The following ZNF721 variants were observed in gnomAD, a reference collection of about 807,000 sequenced individuals.
ZNF721 encodes zinc finger protein 721.
In ZNF721, 2 loss-of-function variants were observed where a neutral mutation model predicts 2.4. That is an observed-to-expected ratio of 0.82 (90% CI 0.34 to 2.58). ZNF721 has a LOEUF of 2.58. ZNF721 is among the 30% of genes most tolerant of loss of function. The pLI is 0.11. For synonymous variants in ZNF721, 398 were observed against 381.8 expected, an observed-to-expected ratio of 1.04 and a Z score of -0.50; for missense variants, 1,187 against 1,085.5, an observed-to-expected ratio of 1.09 and a Z score of -1.31.
chr4:464,110 A>T (rs1036809639), intron 2 of ZNF721, among the ~76,000 whole-genome samples: 1 of 152,238 alleles, frequency 6.6e-6, no homozygotes, highest in Admixed American at 6.5e-5. Context: ...TAGTAGAACT[A>T]AAAAATTTTA....
intron 1 of ZNF721, among the ~76,000 whole-genome samples, chr4:477,003 T>G (rs551001940): frequency 6.6e-6 from 1 of 152,326 alleles, no homozygotes; most frequent in African/African-American, 2.4e-5. Flanking sequence ...TCTTGGGATC[T>G]CTGGCCTTTT....
At chr4:485,313 T>G (rs1553870099) in intron 1 of ZNF721, among the ~76,000 whole-genome samples, 2 of 152,126 alleles carry the variant, frequency 1.3e-5, no homozygotes, top group Admixed American at 1.3e-4. Flanking sequence ...GTAAATATCA[T>G]GGTTTCAGTT....
intron 1 of ZNF721, among the ~76,000 whole-genome samples, chr4:487,698 G>A (rs192332197): frequency 9.7e-4 from 147 of 152,104 alleles, no homozygotes; most frequent in African/African-American, 3.3e-3. Context: ...TTTTAAGATG[G>A]TATTGACTTA....
intron 1 of ZNF721, among the ~76,000 whole-genome samples, chr4:476,099 C>A (rs1715617521): frequency 1.3e-5 from 2 of 152,172 alleles, no homozygotes; most frequent in South Asian, 4.1e-4. Context: ...CAAAATGATA[C>A]CACTGAATTC....
rs141171211 is a variant in ZNF721, at chr4:474,455, C to A, written c.-93-1754G>T. ...GCACGCGCGCGCGCACACACACAGA[C>A]ACACTTGTTCACAAATGGAAACAAT... is the stretch of plus-strand genomic sequence containing the variant. On this transcript the variant is annotated intron_variant, in intron 1 of 2. Coordinates refer to ENST00000511833, the MANE Select transcript of ZNF721 (RefSeq NM_133474.4). Among the ~76,000 whole-genome samples the A allele has an allele frequency of 3.4e-3, 518 of 152,282 alleles. 4 individuals are homozygous for A. Among genetic ancestry groups the A allele is most frequent in the African/African-American group, 0.012 (505 of 41,570 alleles).
chr4:478,055 A>G (rs1715678545), intron 1 of ZNF721, among the ~76,000 whole-genome samples: 2 of 152,230 alleles, frequency 1.3e-5, no homozygotes. Context: ...TTAAAATGCA[A>G]GATAATAAAA....
At position 442,241 on chromosome 4, in the gene ZNF721, T is replaced by C. The variant is rs782771466; in HGVS notation, c.2226A>G (p.Glu742=). ...RSFGWSTNLN[E]YKKIHTGDKL... ...TATCTCCAGTATGAATTTTCTTATATTCGTTCAGGTTTGTGGACCATCCAA... is the reference window on the plus strand; with the variant it reads ...TATCTCCAGTATGAATTTTCTTATACTCGTTCAGGTTTGTGGACCATCCAA... The change falls in exon 3 of 3, where the codon GAA becomes GAG. Residue 742 remains glutamate (E), a synonymous_variant. Coordinates refer to ENST00000511833, the MANE Select transcript of ZNF721 (RefSeq NM_133474.4). 6.2e-7 allele frequency: 1 copy of C among 1,613,122 alleles called. No individual in the cohort carries two copies. The highest frequency in any genetic ancestry group is 1.7e-5 in the Admixed American group (1 of 59,874).
intron 2 of ZNF721, among the ~76,000 whole-genome samples, chr4:464,112 A>G (rs1217230988): frequency 2.0e-5 from 3 of 152,242 alleles, no homozygotes; most frequent in African/African-American, 4.8e-5. Flanking sequence ...GTAGAACTAA[A>G]AAATTTTAAC....
At position 442,733 on chromosome 4, in the gene ZNF721, A is replaced by C. The variant is rs1553863445; in HGVS notation, c.1734T>G (p.Ile578Met). 1 of 1,614,214 alleles carries C rather than the reference A, an allele frequency of 6.2e-7. No individual in the cohort carries two copies. The change falls in exon 3 of 3, where the codon ATT becomes ATG. Residue 578 changes from isoleucine (I) to methionine (M), a missense_variant. Coordinates refer to ENST00000511833, the MANE Select transcript of ZNF721 (RefSeq NM_133474.4). Reference sequence around the variant, plus strand: ...ATTTGTAAGGTTTCTCTCCAGTATGAATTCTCCTATGTACATAAAGGTTTG... The same window carrying C: ...ATTTGTAAGGTTTCTCTCCAGTATGCATTCTCCTATGTACATAAAGGTTTG... Reference protein sequence around the residue: ...QSANLYVHRRIHTGEKPYKCE... With the variant: ...QSANLYVHRRMHTGEKPYKCE...
intron 1 of ZNF721, among the ~76,000 whole-genome samples, chr4:497,973 G>A (rs563201736): frequency 1.3e-5 from 2 of 151,616 alleles, no homozygotes; most frequent in Admixed American, 1.3e-4. Context: ...CTGGGAGGCC[G>A]AGGCGGGCGG....
In ZNF721 at chr4:443,800, A is replaced by C; in HGVS notation, c.667T>G (p.Cys223Gly). 2.5e-6 allele frequency: 4 copies of C among 1,613,914 alleles called. No individual in the cohort carries two copies. The highest frequency in any genetic ancestry group is 3.4e-6 in the Non-Finnish European group (4 of 1,179,930). The change falls in exon 3 of 3, where the codon TGT becomes GGT. Residue 223 changes from cysteine to glycine, a missense_variant. Transcript: ENST00000511833. ...ATAAAGGCTTTCCCACATTCTTTAC[A>C]TTTGTAGGGTTTATCTCCAGTATGA... ...KIHTGDKPYK[C>G]KECGKAFMHS...
Position 440,083 on chromosome 4 carries a change from T to G in ZNF721, c.*1612A>C, listed in dbSNP as rs1714179947. ...ACTGCATTTTATTGCACTTATTACA[T>G]AAATATACAGTTGGCAAAACAATTT... is the stretch of plus-strand genomic sequence containing the variant. On this transcript the variant is annotated 3_prime_UTR_variant, in exon 3 of 3. Transcript: ENST00000511833. The G allele has an allele frequency of 6.6e-6, 1 of 152,200 alleles. No homozygotes were observed. The highest frequency in any genetic ancestry group is 2.4e-5 in the African/African-American group (1 of 41,440). The allele number at this position is 152,200 out of a possible 1,614,324, so 9.4% of individuals were successfully genotyped here.
At chr4:448,458 T>C (rs1265818477) in intron 2 of ZNF721, among the ~76,000 whole-genome samples, 1 of 147,908 alleles carries the variant, frequency 6.8e-6, no homozygotes, top group East Asian at 2.0e-4. Context: ...AAAAAAAAAA[T>C]TACATACTTA....
rs139422642 is a variant in ZNF721 at position 476,816 on chromosome 4, G to A, written c.-93-4115C>T. On this transcript the variant is annotated intron_variant, in intron 1 of 2. Transcript: ENST00000511833. ...TTGTAGAAGTCTTGACACACTGGCT[G>A]CAGCTCACAAAGGAATTTGCCTTAT... is the stretch of plus-strand genomic sequence containing the variant. Among the ~76,000 whole-genome samples, 104 of 152,304 alleles carry A rather than the reference G, an allele frequency of 6.8e-4. 1 individual carries two copies. The highest frequency in any genetic ancestry group is 2.2e-3 in the African/African-American group (92 of 41,564).
intron 1 of ZNF721, chr4:474,083 G>T: frequency 1.5e-6 from 2 of 1,378,632 alleles, no homozygotes; most frequent in Non-Finnish European, 1.9e-6. Flanking sequence ...AATCACCGAG[G>T]CCTCCCTGAG....
chr4:464,990 CAGA>C (rs1715198444), intron 2 of ZNF721, among the ~76,000 whole-genome samples: 1 of 150,558 alleles, frequency 6.6e-6, no homozygotes, highest in Non-Finnish European at 1.5e-5. Flanking sequence ...GAGGCTGAGG[CAGA>C]AGAATTGCTT....
chr4:480,027 C>G (rs1205149038), intron 1 of ZNF721, among the ~76,000 whole-genome samples: 1 of 151,946 alleles, frequency 6.6e-6, no homozygotes, highest in Non-Finnish European at 1.5e-5. Context: ...TTGGTTTCAC[C>G]TGGGTATGGT....
chr4:498,787 C>A (rs1716475774), intron 1 of ZNF721, among the ~76,000 whole-genome samples: 1 of 147,756 alleles, frequency 6.8e-6, no homozygotes, highest in African/African-American at 2.5e-5. Context: ...TGCAGTGGCG[C>A]GATCTCGGCT....
At chr4:493,584 C>T (rs931305212) in intron 1 of ZNF721, among the ~76,000 whole-genome samples, 10 of 151,106 alleles carry the variant, frequency 6.6e-5, no homozygotes, top group African/African-American at 2.4e-4. Flanking sequence ...GAGGCTGAGG[C>T]AGGAGAATTT....
Sources: gnomAD v4.1 joint callset for allele counts (sites outside exome capture counted in the v4.1 genomes callset) on GRCh38, gnomAD v4.1.1 for gene constraint, MANE v1.5 for transcripts, NCBI Gene and HGNC (gene_info 2026-07-23, HGNC 2026-07-21) for gene names.